KMT2E: variants seen among roughly 807,000 people sequenced by gnomAD.
KMT2E encodes the protein lysine methyltransferase 2E (inactive), also known as histone reader KMT2E.
A neutral mutation model predicts 184.6 loss-of-function variants in KMT2E; 30 were observed. The ratio of observed to expected loss-of-function variants is 0.16; its 90% confidence interval spans 0.12 to 0.22. The LOEUF (loss-of-function observed/expected upper bound fraction) is 0.22. Among genes scored for constraint, KMT2E ranks in the 10% least tolerant of loss-of-function variants. The pLI, the probability that KMT2E is intolerant of heterozygous loss-of-function variation, is 1.00. For synonymous variants in KMT2E, 815 were observed against 776.5 expected, an observed-to-expected ratio of 1.05 and a Z score of -0.82; for missense variants, 2,023 against 2,237.4, an observed-to-expected ratio of 0.90 and a Z score of 1.93.
chr7:105,068,059 T>C (rs1032108339), intron 6 of KMT2E, among the ~76,000 whole-genome samples: 1 of 152,176 alleles, frequency 6.6e-6, no homozygotes, highest in African/African-American at 2.4e-5. Context: ...GATTGGTTGA[T>C]ATTCATCTCT....
At position 105,113,571 on chromosome 7, in the gene KMT2E, G is replaced by T; in HGVS notation, c.*238G>T. On this transcript the variant is annotated 3_prime_UTR_variant, in exon 27 of 27. Coordinates refer to ENST00000311117, the MANE Select transcript of KMT2E (RefSeq NM_182931.3). ...ACATTCCAGCTGTTTTTTTCTGGCA[G>T]ATCTGATGCTGATTTGATGCTGTAT... The T allele has an allele frequency of 2.7e-6, 1 of 373,818 alleles. No homozygotes were observed. The highest frequency in any genetic ancestry group is 4.8e-6 in the Non-Finnish European group (1 of 207,450). The allele number at this position is 373,818 out of a possible 1,614,324, so 23.2% of individuals were successfully genotyped here.
At position 105,111,214 on chromosome 7, in the gene KMT2E, T is replaced by C. The variant is rs1799243347; in HGVS notation, c.4068+346T>C. 2.0e-5 allele frequency: 4 copies of C among 204,472 alleles called. No homozygotes were observed. In the South Asian group the frequency reaches 4.8e-4, roughly 25 times the overall value. 12.7% of individuals were successfully genotyped at this position (204,472 alleles called of 1,614,324 possible). A position where few individuals can be genotyped will look rare whatever the true frequency, so the allele number is the denominator to read the frequency against. On this transcript the variant is annotated intron_variant, in intron 26 of 26. Transcript: ENST00000311117. ...CTAAAAACAAAAGGTCATTTTATCA[T>C]TTAAAAGGAATGACATCTTCATCCT...
At chr7:105,051,072 TTTC>T (rs979876066) in intron 3 of KMT2E, among the ~76,000 whole-genome samples, 16 of 149,126 alleles carry the variant, frequency 1.1e-4, no homozygotes, top group South Asian at 2.1e-4. Flanking sequence ...TCTTTCTTTC[TTTC>T]TTCTTCTTTC....
chr7:105,071,594 A>G lies in KMT2E; in HGVS notation c.498-2025A>G, dbSNP rs1278864776. Among the ~76,000 whole-genome samples the G allele has an allele frequency of 4.4e-3, 261 of 59,302 alleles. 7 individuals carry two copies. Among genetic ancestry groups the G allele is most frequent in the African/African-American group, 0.016 (251 of 15,784 alleles). 38.9% of individuals were successfully genotyped at this position (59,302 alleles called of 152,430 possible). On this transcript the variant is annotated intron_variant, in intron 6 of 26. Coordinates refer to ENST00000311117, the MANE Select transcript of KMT2E (RefSeq NM_182931.3). Reference sequence around the variant, plus strand: ...TGTATGTGTGTGTGTATATATATATATATATATATATATATTTTTTTTTTT... The same window carrying G: ...TGTATGTGTGTGTGTATATATATATGTATATATATATATATTTTTTTTTTT...
At chr7:105,020,995 A>G (rs1794926558) in intron 1 of KMT2E, among the ~76,000 whole-genome samples, 3 of 152,214 alleles carry the variant, frequency 2.0e-5, no homozygotes, top group South Asian at 2.1e-4. Context: ...AATCGTTTCT[A>G]TTTTTGAGTT....
chr7:105,019,480 A>G (rs1794857140), intron 1 of KMT2E, among the ~76,000 whole-genome samples: 1 of 152,248 alleles, frequency 6.6e-6, no homozygotes, highest in Non-Finnish European at 1.5e-5. Flanking sequence ...CAACAGGTCA[A>G]CAAAGAATTC....
intron 15 of KMT2E, among the ~76,000 whole-genome samples, chr7:105,092,437 A>G (rs1214542559): frequency 6.6e-6 from 1 of 152,198 alleles, no homozygotes; most frequent in Non-Finnish European, 1.5e-5. Flanking sequence ...GACCTACTTA[A>G]TATGTGCCTG....
chr7:105,038,329 T>G (rs1795747155), intron 2 of KMT2E, 130 bp downstream of exon 2: 1 of 152,232 alleles, frequency 6.6e-6, no homozygotes, highest in Non-Finnish European at 1.5e-5. Context: ...GTGTTAATTG[T>G]TAAGGTTGTG....
rs1278587401 is a variant in KMT2E at position 105,035,232 on chromosome 7, C to A, written c.-188-2894C>A. Among the ~76,000 whole-genome samples, 6 of 151,304 alleles carry A rather than the reference C, an allele frequency of 4.0e-5. No homozygotes were observed. In the East Asian group the frequency reaches 1.2e-3, roughly 29 times the overall value. ...TATTTTTAGTAGAGACGGGGTTTCA[C>A]CGTGTTAGCCAGGATGGTCTCGATC... On this transcript the variant is annotated intron_variant, in intron 1 of 26. Coordinates refer to ENST00000311117, the MANE Select transcript of KMT2E (RefSeq NM_182931.3).
chr7:105,055,303 C>G (rs1308189638), intron 3 of KMT2E, among the ~76,000 whole-genome samples: 1 of 150,816 alleles, frequency 6.6e-6, no homozygotes, highest in Non-Finnish European at 1.5e-5. Context: ...TTCCTCCTAC[C>G]TCAGCCTCCC....
At chr7:105,100,763 T>C (rs1042621033) in intron 15 of KMT2E, among the ~76,000 whole-genome samples, 5 of 152,208 alleles carry the variant, frequency 3.3e-5, no homozygotes, top group African/African-American at 4.8e-5. Context: ...TTCCAACTAC[T>C]GTTTGAAAAC....
intron 23 of KMT2E, 25 bp downstream of exon 23, chr7:105,109,253 C>T: frequency 6.2e-7 from 1 of 1,600,710 alleles, no homozygotes. Flanking sequence ...AAGTATGCTA[C>T]TCTGGAAAAA....
chr7:105,079,509 T>TC, intron 12 of KMT2E, among the ~76,000 whole-genome samples: 1 of 137,084 alleles, frequency 7.3e-6, no homozygotes, highest in Admixed American at 8.0e-5. Flanking sequence ...ATATTGGACT[T>TC]CCTTTTTTTT....
At chr7:105,064,603 A>G (rs1796958178) in intron 5 of KMT2E, among the ~76,000 whole-genome samples, 1 of 152,170 alleles carries the variant, frequency 6.6e-6, no homozygotes. Flanking sequence ...AGTGGAATGT[A>G]AAATTTGATA....
At chr7:105,054,333 G>A (rs1458765853) in intron 3 of KMT2E, among the ~76,000 whole-genome samples, 1 of 151,746 alleles carries the variant, frequency 6.6e-6, no homozygotes, top group African/African-American at 2.4e-5. Context: ...CCTGTGTTCT[G>A]TACCTCATAA....
At chr7:105,094,015 T>C (rs908449390) in intron 15 of KMT2E, among the ~76,000 whole-genome samples, 5 of 152,210 alleles carry the variant, frequency 3.3e-5, no homozygotes, top group African/African-American at 1.2e-4. Flanking sequence ...CTCCAAGTTA[T>C]CACAATTGTT....
At chr7:105,016,464 G>C (rs1396079508) in intron 1 of KMT2E, among the ~76,000 whole-genome samples, 7 of 152,084 alleles carry the variant, frequency 4.6e-5, no homozygotes, top group Non-Finnish European at 8.8e-5. Flanking sequence ...AATTTAGTCT[G>C]TTTTAATAGA....
intron 3 of KMT2E, among the ~76,000 whole-genome samples, chr7:105,041,690 C>T (rs944219377): frequency 5.9e-5 from 9 of 152,056 alleles, no homozygotes; most frequent in African/African-American, 1.9e-4. Flanking sequence ...TGAACCACTG[C>T]GCTCAGCCGG....
In KMT2E at chr7:105,112,643, TCCTCCACCACCA is replaced by T; in HGVS notation, c.4891_4902del (p.Pro1631_Pro1634del). The stretch of plus-strand genomic sequence containing the variant: ...CTGCTGCTGCCGTAGTCCCCCCTCC[TCCTCCACCACCA>T]CCTGCTCCAGGACCGCACCTTGTAC... On this transcript the variant is annotated inframe_deletion, in exon 27 of 27. Coordinates refer to ENST00000311117, the MANE Select transcript of KMT2E (RefSeq NM_182931.3). 2 of 1,613,558 alleles carry T rather than the reference TCCTCCACCACCA, an allele frequency of 1.2e-6. No individual in the cohort carries two copies. Among genetic ancestry groups the T allele is most frequent in the Non-Finnish European group, 1.7e-6 (2 of 1,179,870 alleles).
Sources: allele counts gnomAD v4.1 joint callset (sites outside exome capture counted in the v4.1 genomes callset), GRCh38; gene constraint gnomAD v4.1.1; transcripts MANE v1.5; gene names NCBI Gene and HGNC (gene_info 2026-07-23, HGNC 2026-07-21).